Variants in GAS2 observed in about 807,000 individuals in gnomAD.
GAS2 encodes the protein growth arrest specific 2, also known as growth arrest-specific protein 2.
In GAS2, 20 loss-of-function variants were observed where a neutral mutation model predicts 37.5. That is an observed-to-expected ratio of 0.53 (90% CI 0.37 to 0.77). The LOEUF (loss-of-function observed/expected upper bound fraction) is 0.77. GAS2 is among the 30% of genes least tolerant of loss of function. GAS2 has a pLI of 0.00. For synonymous variants in GAS2, 144 were observed against 132.2 expected (o/e 1.09, Z -0.61); for missense variants, 336 against 373.4 (o/e 0.90, Z 0.82).
intron 4 of GAS2, among the ~76,000 whole-genome samples, chr11:22,731,944 C>T (rs1852498158): frequency 6.6e-6 from 1 of 151,544 alleles, no homozygotes; most frequent in African/African-American, 2.4e-5. Context: ...TTTCAATTCA[C>T]TTTTACTCTG....
At chr11:22,766,353 A>ACAGTAAGTGT (rs1854694377) in intron 7 of GAS2, among the ~76,000 whole-genome samples, 1 of 152,028 alleles carries the variant, frequency 6.6e-6, no homozygotes, top group African/African-American at 2.4e-5. Flanking sequence ...CAGAGATTAC[A>ACAGTAAGTGT]CAGTAAGTGT....
At chr11:22,739,375 C>T (rs895093162) in intron 5 of GAS2, among the ~76,000 whole-genome samples, 1 of 151,792 alleles carries the variant, frequency 6.6e-6, no homozygotes, top group African/African-American at 2.4e-5. Flanking sequence ...GAGATCGAGA[C>T]CATCCTGACT....
chr11:22,647,293 G>A (rs1330738435), intron 1 of GAS2, among the ~76,000 whole-genome samples: 1 of 151,926 alleles, frequency 6.6e-6, no homozygotes, highest in Non-Finnish European at 1.5e-5. Context: ...TGGTGTATAT[G>A]TGCCACATTT....
chr11:22,811,440 A>G (rs1423605954), intron 7 of GAS2, among the ~76,000 whole-genome samples: 1 of 152,014 alleles, frequency 6.6e-6, no homozygotes, highest in Non-Finnish European at 1.5e-5. Context: ...ACTGGGAAAA[A>G]TGGAGCACTA....
At chr11:22,697,770 C>T (rs1351932742) in intron 3 of GAS2, among the ~76,000 whole-genome samples, 1 of 152,126 alleles carries the variant, frequency 6.6e-6, no homozygotes, top group Non-Finnish European at 1.5e-5. Flanking sequence ...TATAAGAATG[C>T]TTGTGATTTT....
At chr11:22,635,551 G>A (rs1371898508) in intron 1 of GAS2, among the ~76,000 whole-genome samples, 2 of 152,172 alleles carry the variant, frequency 1.3e-5, no homozygotes, top group Non-Finnish European at 2.9e-5. Context: ...AGACAGTAAA[G>A]GTGGCTTTCA....
chr11:22,765,504 G>A (rs574659173), intron 7 of GAS2, among the ~76,000 whole-genome samples: 1 of 152,246 alleles, frequency 6.6e-6, no homozygotes, highest in South Asian at 2.1e-4. Context: ...GATTGGCCGG[G>A]GGCAGTGGCT....
rs1407148381 is a variant in GAS2, at chr11:22,795,690, C to A, written c.724-16108C>A. 2.6e-5 allele frequency among the ~76,000 whole-genome samples: 4 copies of A among 152,008 alleles called. No individual in the cohort carries two copies. In the East Asian group the frequency reaches 7.7e-4, roughly 29 times the overall value. On this transcript the variant is annotated intron_variant, in intron 7 of 7. Transcript: ENST00000454584. The stretch of plus-strand genomic sequence containing the variant: ...ACAGGAGTCCAGATCTTCTAGGAAA[C>A]TTAGGCTATTGGGATAGCTCTGTAG...
At chr11:22,648,881 A>C (rs337504) in intron 1 of GAS2, among the ~76,000 whole-genome samples, 103,624 of 151,786 alleles carry the variant, frequency 0.68, 39,810 homozygotes, top group East Asian at 0.89. Context: ...ATTTGACTTC[A>C]TCTTTTCCTA....
At chr11:22,809,332 A>C (rs1169224912) in intron 7 of GAS2, among the ~76,000 whole-genome samples, 1 of 152,156 alleles carries the variant, frequency 6.6e-6, no homozygotes, top group Non-Finnish European at 1.5e-5. Context: ...GAAAACAGGA[A>C]TTTTAGGGAG....
At chr11:22,636,944 TAATA>T (rs1858830845) in intron 1 of GAS2, among the ~76,000 whole-genome samples, 1 of 139,856 alleles carries the variant, frequency 7.2e-6, no homozygotes, top group Non-Finnish European at 1.5e-5. Context: ...ATATAAATAA[TAATA>T]AATTGTTACT....
At chr11:22,803,679 C>A (rs192298853) in intron 7 of GAS2, among the ~76,000 whole-genome samples, 56 of 152,130 alleles carry the variant, frequency 3.7e-4, no homozygotes, top group African/African-American at 1.2e-3. Context: ...GTAGGTACAA[C>A]CTGTGGAAGT....
intron 7 of GAS2, among the ~76,000 whole-genome samples, chr11:22,801,286 C>T (rs983004102): frequency 8.6e-5 from 13 of 151,994 alleles, no homozygotes; most frequent in Admixed American, 1.3e-4. Flanking sequence ...CTCCCCAAGA[C>T]CCACAGGAAG....
intron 3 of GAS2, among the ~76,000 whole-genome samples, chr11:22,718,339 T>A (rs920047806): frequency 1.1e-4 from 16 of 151,950 alleles, no homozygotes; most frequent in South Asian, 2.1e-4. Flanking sequence ...AGTCATAAAA[T>A]GGAATGAAAT....
intron 7 of GAS2, among the ~76,000 whole-genome samples, chr11:22,796,265 C>CA (rs1161085859): frequency 3.9e-5 from 6 of 152,180 alleles, no homozygotes; most frequent in African/African-American, 1.4e-4. Flanking sequence ...CATTTTTCTC[C>CA]TCACCTGATG....
intron 7 of GAS2, among the ~76,000 whole-genome samples, chr11:22,767,165 A>G (rs1279978704): frequency 1.3e-5 from 2 of 152,124 alleles, no homozygotes; most frequent in African/African-American, 4.8e-5. Context: ...TTATTACTGT[A>G]TGACAAAAAT....
At chr11:22,767,088 C>T (rs1041475298) in intron 7 of GAS2, among the ~76,000 whole-genome samples, 6 of 152,176 alleles carry the variant, frequency 3.9e-5, no homozygotes, top group East Asian at 1.9e-4. Flanking sequence ...GATAGCAGTA[C>T]GGATATCTTT....
At chr11:22,646,185 C>A (rs1848688558) in intron 1 of GAS2, among the ~76,000 whole-genome samples, 2 of 152,108 alleles carry the variant, frequency 1.3e-5, no homozygotes, top group Non-Finnish European at 2.9e-5. Context: ...AGGAGAATAT[C>A]ATGTAATATC....
intron 4 of GAS2, among the ~76,000 whole-genome samples, chr11:22,730,747 CTT>C (rs562233113): frequency 2.0e-5 from 3 of 151,632 alleles, no homozygotes; most frequent in Non-Finnish European, 4.4e-5. Flanking sequence ...AAGAAATTAA[CTT>C]TTAGTTGTAG....
Sources: allele counts gnomAD v4.1 joint callset (sites outside exome capture counted in the v4.1 genomes callset), GRCh38; gene constraint gnomAD v4.1.1; transcripts MANE v1.5; gene names NCBI Gene and HGNC (gene_info 2026-07-23, HGNC 2026-07-21).